The following FBXL20 variants were observed in gnomAD, a reference collection of about 807,000 sequenced individuals.
FBXL20 encodes F-box/LRR-repeat protein 20.
Under a neutral mutation model 64.0 loss-of-function variants are expected in FBXL20, and 11 were observed. The observed-to-expected ratio is 0.17, with a 90% CI of 0.11 to 0.28. The LOEUF is 0.28. Among genes scored for constraint, FBXL20 ranks in the 10% least tolerant of loss-of-function variants. FBXL20 has a pLI of 1.00. For synonymous variants in FBXL20, 184 were observed against 189.0 expected (o/e 0.97, Z 0.22); for missense variants, 303 against 526.2 (o/e 0.58, Z 4.15).
chr17:39,325,157 G>A (rs1306797284), intron 2 of FBXL20, among the ~76,000 whole-genome samples: 1 of 152,180 alleles, frequency 6.6e-6, no homozygotes, highest in African/African-American at 2.4e-5. Flanking sequence ...GCAGCAAGCT[G>A]TGATTGTGCC....
chr17:39,297,061 A>G, intron 6 of FBXL20, 66 bp downstream of exon 6: 1 of 1,159,238 alleles, frequency 8.6e-7, no homozygotes, highest in South Asian at 1.6e-5. Flanking sequence ...AATGGCCTGA[A>G]TTTAAGGTTG....
At chr17:39,351,956 G>A (rs1266995874) in intron 1 of FBXL20, among the ~76,000 whole-genome samples, 1 of 152,190 alleles carries the variant, frequency 6.6e-6, no homozygotes, top group African/African-American at 2.4e-5. Context: ...GTACATAGCT[G>A]AGGAAACAAC....
At chr17:39,271,553 C>T (rs1312141250) in intron 10 of FBXL20, among the ~76,000 whole-genome samples, 1 of 141,704 alleles carries the variant, frequency 7.1e-6, no homozygotes, top group African/African-American at 2.6e-5. Context: ...AGCCGAGATC[C>T]CGCCACTGCA....
chr17:39,301,088 A>C lies in FBXL20; in HGVS notation c.160-13T>G. ...GAACATTCCAGGCCTATTTTAAAGA[A>C]AAAGAGACAGAATGAGCAGAAGCTA... On this transcript the variant is annotated splice_polypyrimidine_tract_variant and intron_variant, in intron 3 of 14. Transcript: ENST00000264658. The C allele has an allele frequency of 2.5e-6, 4 of 1,611,928 alleles. No individual in the cohort carries two copies. Among genetic ancestry groups the C allele is most frequent in the Non-Finnish European group, 3.4e-6 (4 of 1,178,926 alleles).
chr17:39,271,723 G>C (rs1010464665), intron 10 of FBXL20, among the ~76,000 whole-genome samples: 2 of 151,814 alleles, frequency 1.3e-5, no homozygotes, highest in African/African-American at 4.8e-5. Context: ...TGGAGGCCCA[G>C]TTGAGAGGGA....
intron 1 of FBXL20, among the ~76,000 whole-genome samples, chr17:39,395,039 G>A (rs1597840565): frequency 6.6e-6 from 1 of 152,048 alleles, no homozygotes; most frequent in African/African-American, 2.4e-5. Flanking sequence ...GAAAAGAGAT[G>A]GATTTTTTTA....
At chr17:39,373,539 C>A (rs1158446469) in intron 1 of FBXL20, among the ~76,000 whole-genome samples, 2 of 152,224 alleles carry the variant, frequency 1.3e-5, no homozygotes, top group African/African-American at 4.8e-5. Context: ...CCAGCTGCCA[C>A]TCCTGTTTTC....
intron 2 of FBXL20, among the ~76,000 whole-genome samples, chr17:39,305,691 A>G (rs565625347): frequency 6.6e-6 from 1 of 152,146 alleles, no homozygotes; most frequent in East Asian, 1.9e-4. Flanking sequence ...CTCTACAAAA[A>G]TTTTAAAAAT....
intron 1 of FBXL20, among the ~76,000 whole-genome samples, chr17:39,354,483 T>C (rs1010326935): frequency 1.3e-5 from 2 of 152,196 alleles, no homozygotes; most frequent in African/African-American, 4.8e-5. Flanking sequence ...ATACCAGTCC[T>C]ACGTTGGTGT....
At chr17:39,307,795 ACT>A (rs1175877162) in intron 2 of FBXL20, among the ~76,000 whole-genome samples, 3 of 151,640 alleles carry the variant, frequency 2.0e-5, no homozygotes, top group Non-Finnish European at 2.9e-5. Flanking sequence ...ACATGGTGAA[ACT>A]CTGTCTCTAC....
At chr17:39,378,309 C>T (rs997275622) in intron 1 of FBXL20, among the ~76,000 whole-genome samples, 1 of 152,098 alleles carries the variant, frequency 6.6e-6, no homozygotes, top group Non-Finnish European at 1.5e-5. Context: ...ATACAACTAA[C>T]CCAATTAAAA....
At chr17:39,276,884 C>T (rs1440220678) in intron 9 of FBXL20, among the ~76,000 whole-genome samples, 1 of 152,082 alleles carries the variant, frequency 6.6e-6, no homozygotes, top group Non-Finnish European at 1.5e-5. Flanking sequence ...CCCAGGAGTT[C>T]AAGGTTAGTC....
intron 6 of FBXL20, among the ~76,000 whole-genome samples, chr17:39,288,630 T>C (rs907436595): frequency 6.6e-6 from 1 of 152,072 alleles, no homozygotes; most frequent in Admixed American, 6.6e-5. Context: ...CCGATTATTA[T>C]TTTTTTAATT....
intron 2 of FBXL20, among the ~76,000 whole-genome samples, chr17:39,336,131 G>T (rs925594809): frequency 1.3e-4 from 20 of 151,068 alleles, no homozygotes; most frequent in African/African-American, 4.9e-4. Context: ...GAGGGGAGGG[G>T]AAGGGAGGGG....
chr17:39,268,210 G>C (rs1411604451), intron 12 of FBXL20, among the ~76,000 whole-genome samples: 1 of 152,022 alleles, frequency 6.6e-6, no homozygotes, highest in East Asian at 1.9e-4. Flanking sequence ...AAAATCAGCC[G>C]GGTGTGGTGG....
At chr17:39,268,114 G>A (rs2046808533) in intron 12 of FBXL20, among the ~76,000 whole-genome samples, 1 of 152,132 alleles carries the variant, frequency 6.6e-6, no homozygotes, top group Admixed American at 6.6e-5. Context: ...CACTTTGGGA[G>A]GGCGAGCCAA....
At chr17:39,281,336 A>T (rs2046948619) in intron 9 of FBXL20, 53 bp downstream of exon 9, 5 of 1,541,726 alleles carry the variant, frequency 3.2e-6, no homozygotes, top group South Asian at 1.2e-5. Flanking sequence ...GCTCTTAAAA[A>T]TTTTAATGAA....
At chr17:39,264,627 T>C (rs1405142611) in intron 13 of FBXL20, among the ~76,000 whole-genome samples, 1 of 152,240 alleles carries the variant, frequency 6.6e-6, no homozygotes, top group African/African-American at 2.4e-5. Flanking sequence ...GTAATGACTA[T>C]GAAGTAGTTC....
upstream of FBXL20, chr17:39,401,946 G>C (rs554378556): frequency 9.6e-5 from 42 of 435,740 alleles, no homozygotes; most frequent in Admixed American, 5.8e-4. Context: ...GTGCGCGCGT[G>C]CTCGCGGACC....
Sources: allele counts gnomAD v4.1 joint callset (sites outside exome capture counted in the v4.1 genomes callset), GRCh38; gene constraint gnomAD v4.1.1; transcripts MANE v1.5; gene names NCBI Gene and HGNC (gene_info 2026-07-23, HGNC 2026-07-21).